SNRNP40: variants seen among roughly 807,000 people sequenced by gnomAD.
The protein encoded by SNRNP40 is small nuclear ribonucleoprotein U5 subunit 40.
A neutral mutation model predicts 45.8 loss-of-function variants in SNRNP40; 21 were observed. The observed-to-expected ratio is 0.46, with a 90% CI of 0.32 to 0.66. SNRNP40 has a LOEUF of 0.66. Among genes scored for constraint, SNRNP40 ranks in the 30% least tolerant of loss-of-function variants. SNRNP40 has a pLI of 0.03. For missense variants in SNRNP40, 344 were observed against 439.1 expected (o/e 0.78, Z 1.94); for synonymous variants, 142 against 163.8 (o/e 0.87, Z 1.01).
intron 1 of SNRNP40, among the ~76,000 whole-genome samples, chr1:31,295,077 T>A (rs192720719): frequency 6.6e-6 from 1 of 151,728 alleles, no homozygotes; most frequent in Non-Finnish European, 1.5e-5. Flanking sequence ...AAACTATATA[T>A]GTGGTGTCAT....
At position 31,296,764 on chromosome 1, in the gene SNRNP40, T is replaced by A. The variant is rs922996689; in HGVS notation, c.-13A>T. 3.1e-6 allele frequency: 5 copies of A among 1,589,774 alleles called. No individual in the cohort carries two copies. In the African/African-American group the frequency reaches 6.8e-5, roughly 21 times the overall value. On this transcript the variant is annotated 5_prime_UTR_variant, in exon 1 of 10. Coordinates refer to ENST00000263694, the MANE Select transcript of SNRNP40 (RefSeq NM_004814.3). ...GCTGTTCTATCATGGCGGCAACCGG[T>A]CTCTTCAGCGCCGCCACTGACCGCG...
chr1:31,265,132 T>C (rs1478185419), intron 8 of SNRNP40, among the ~76,000 whole-genome samples: 3 of 33,038 alleles, frequency 9.1e-5, no homozygotes, highest in Non-Finnish European at 3.2e-4. Flanking sequence ...GTGATTTTGT[T>C]TTTTTTTAAA....
intron 9 of SNRNP40, 26 bp from the exon 10 acceptor site, chr1:31,260,147 G>C (rs778709111): frequency 1.3e-6 from 2 of 1,528,342 alleles, no homozygotes; most frequent in East Asian, 4.6e-5. Context: ...CAGATAACTA[G>C]AAATAATGAA....
At chr1:31,263,140 C>T (rs189916130) in intron 8 of SNRNP40, 1 of 152,006 alleles carries the variant, frequency 6.6e-6, no homozygotes, top group African/African-American at 2.4e-5. Flanking sequence ...ACACAATGTA[C>T]TTTCTGCAAT....
intron 6 of SNRNP40, among the ~76,000 whole-genome samples, chr1:31,270,907 C>G (rs1174314301): frequency 6.6e-6 from 1 of 152,084 alleles, no homozygotes; most frequent in Non-Finnish European, 1.5e-5. Context: ...AGAGTGTGTT[C>G]GTGTAAATCC....
chr1:31,285,682 T>C (rs1362558781), intron 4 of SNRNP40, among the ~76,000 whole-genome samples: 2 of 152,192 alleles, frequency 1.3e-5, no homozygotes, highest in Non-Finnish European at 2.9e-5. Flanking sequence ...ATCCCAAATG[T>C]CTTATTGCAC....
intron 8 of SNRNP40, among the ~76,000 whole-genome samples, chr1:31,263,913 T>TAAAA (rs11419603): frequency 2.8e-5 from 3 of 106,966 alleles, no homozygotes; most frequent in Non-Finnish European, 3.6e-5. Context: ...ATGTACTGGC[T>TAAAA]AAAAAAAAAA....
chr1:31,260,527 C>G (rs1645850996), intron 9 of SNRNP40, among the ~76,000 whole-genome samples: 1 of 151,824 alleles, frequency 6.6e-6, no homozygotes, highest in Non-Finnish European at 1.5e-5. Context: ...GTTTAGCCAG[C>G]CAAAAAATTT....
Position 31,292,183 on chromosome 1 carries a change from C to T in SNRNP40, c.272-177G>A, listed in dbSNP as rs938887621. On this transcript the variant is annotated intron_variant, in intron 2 of 9. Transcript: ENST00000263694. ...TTCGAGACCAGCGTGGCTGATACGG[C>T]GAAACCCCATCTTTAATAAAAATAA... Among the ~76,000 whole-genome samples, 6 of 151,974 alleles carry T rather than the reference C, an allele frequency of 3.9e-5. No homozygotes were observed. The East Asian group carries it at 7.7e-4, about 20-fold the overall frequency.
At chr1:31,269,596 T>G in intron 6 of SNRNP40, 2 of 407,388 alleles carry the variant, frequency 4.9e-6, no homozygotes, top group Non-Finnish European at 8.6e-6. Flanking sequence ...TGTGACAAAC[T>G]AAATACCAGG....
Position 31,281,385 on chromosome 1 carries a change from T to C in SNRNP40, c.643A>G (p.Asn215Asp). The C allele has an allele frequency of 6.3e-7, 1 of 1,594,680 alleles. No individual in the cohort carries two copies. The highest frequency in any genetic ancestry group is 8.6e-7 in the Non-Finnish European group (1 of 1,164,214). The stretch of plus-strand genomic sequence containing the variant: ...AACATCAAACATACCTTGATATCAT[T>C]GTCTATTCCACCAGAAATAATCTGA... ...SDQIISGGID[N>D]DIKVWDLRQN... Residue 215 changes from asparagine to aspartate, a missense_variant, in exon 5 of 10, where the codon AAT becomes GAT. Asn to Asp is a conservative substitution (Grantham distance 23). This residue lies in a region of SNRNP40 where 254 missense variants were observed against 380.2 expected (regional missense o/e 0.67). Transcript: ENST00000263694.
Position 31,269,208 on chromosome 1 carries a change from T to C in SNRNP40, c.808A>G (p.Lys270Glu). 6.2e-7 allele frequency: 1 copy of C among 1,613,040 alleles called. No homozygotes were observed. The highest frequency in any genetic ancestry group is 8.5e-7 in the Non-Finnish European group (1 of 1,179,676). Residue 270 changes from lysine (K) to glutamate (E), a missense_variant, in exon 7 of 10, where the codon AAA becomes GAA. Coordinates refer to ENST00000263694, the MANE Select transcript of SNRNP40 (RefSeq NM_004814.3). ...RVWDVRPFAP[K>E]ERCVKIFQGN... ...TGAAATATCTTTACACATCTCTCTT[T>C]GGGGGCAAATGGCCGGACATCCCAG... is the stretch of plus-strand genomic sequence containing the variant.
At chr1:31,281,700 C>G (rs866667929) in intron 4 of SNRNP40, 4 of 397,500 alleles carry the variant, frequency 1.0e-5, no homozygotes, top group Middle Eastern at 4.4e-4. Context: ...GCTGGTGAAA[C>G]AAAACTTCGG....
rs1645911203 is a variant in SNRNP40, at chr1:31,267,989, T to C, written c.859-57A>G. 2.5e-6 allele frequency: 3 copies of C among 1,223,654 alleles called. No individual in the cohort carries two copies. The African/African-American group carries it at 4.5e-5, about 18-fold the overall frequency. The allele number at this position is 1,223,654 out of a possible 1,614,324, so 75.8% of individuals were successfully genotyped here. On this transcript the variant is annotated intron_variant, in intron 7 of 9. Transcript: ENST00000263694. ...TATACCAAACTCCTCTTTGCAAGGC[T>C]ACCGAATCACTAAGAGGCTTTAAAT... is the stretch of plus-strand genomic sequence containing the variant.
chr1:31,276,242 T>A (rs555227461), intron 5 of SNRNP40, among the ~76,000 whole-genome samples: 40 of 152,268 alleles, frequency 2.6e-4, no homozygotes, highest in African/African-American at 9.4e-4. Flanking sequence ...TTTTTTAAGA[T>A]CACAAAGCTA....
At chr1:31,278,462 A>G (rs914940060) in intron 5 of SNRNP40, among the ~76,000 whole-genome samples, 2 of 152,234 alleles carry the variant, frequency 1.3e-5, no homozygotes, top group Non-Finnish European at 2.9e-5. Context: ...CTGTATGTAA[A>G]TTTACATGTC....
intron 8 of SNRNP40, among the ~76,000 whole-genome samples, chr1:31,262,339 G>C (rs1211597894): frequency 1.5e-4 from 23 of 151,780 alleles, no homozygotes; most frequent in Non-Finnish European, 1.5e-5. Context: ...GGCCAACAAG[G>C]TGAAACCCAG....
intron 1 of SNRNP40, 62 bp downstream of exon 1, chr1:31,296,549 T>C (rs1646161529): frequency 5.2e-6 from 8 of 1,542,474 alleles, no homozygotes; most frequent in East Asian, 4.5e-5. Context: ...GATCACCAGA[T>C]ACAGCGCTCT....
rs751239043 is a variant in SNRNP40 at position 31,293,201 on chromosome 1, T to C, written c.271+18A>G. ...TCTGGCAGGAAAAATTATTCCAGAT[T>C]CAAAAACTATGCCTCACATATCAGT... On this transcript the variant is annotated intron_variant, in intron 2 of 9. Coordinates refer to ENST00000263694, the MANE Select transcript of SNRNP40 (RefSeq NM_004814.3). 6.2e-7 allele frequency: 1 copy of C among 1,612,662 alleles called. No individual in the cohort carries two copies.
Sources: gnomAD v4.1 joint callset for allele counts (sites outside exome capture counted in the v4.1 genomes callset) on GRCh38, gnomAD v4.1.1 for gene constraint, gnomAD v4.1.1 regional missense constraint, MANE v1.5 for transcripts, NCBI Gene and HGNC (gene_info 2026-07-23, HGNC 2026-07-21) for gene names.